Variants in TOP6BL observed in about 807,000 individuals in gnomAD.
The protein encoded by TOP6BL is type 2 DNA topoisomerase 6 subunit B-like.
the TOP6BL span, among the ~76,000 whole-genome samples, chr11:66,790,133 G>A: frequency 1.1e-3 from 160 of 152,208 alleles, no homozygotes; most frequent in African/African-American, 3.7e-3. Context: ...TTAGCCGGGT[G>A]TGGTGGCAGC....
At chr11:66,763,938 G>A in the TOP6BL span, among the ~76,000 whole-genome samples, 1 of 152,172 alleles carries the variant, frequency 6.6e-6, no homozygotes, top group African/African-American at 2.4e-5. Flanking sequence ...AACATTCTGT[G>A]AGCATTTGGT....
the TOP6BL span, among the ~76,000 whole-genome samples, chr11:66,818,215 T>G: frequency 6.6e-6 from 1 of 152,178 alleles, no homozygotes; most frequent in Non-Finnish European, 1.5e-5. Flanking sequence ...GTCAATTATT[T>G]ATTGAACAAA....
At chr11:66,792,037 T>G in the TOP6BL span, among the ~76,000 whole-genome samples, 1 of 152,130 alleles carries the variant, frequency 6.6e-6, no homozygotes, top group Non-Finnish European at 1.5e-5. Flanking sequence ...GTCTCGATCT[T>G]CTGACCTCAT....
At chr11:66,773,198 T>C in the TOP6BL span, among the ~76,000 whole-genome samples, 1 of 151,916 alleles carries the variant, frequency 6.6e-6, no homozygotes, top group African/African-American at 2.4e-5. Context: ...GATTCAGGAC[T>C]ATAGGCCTGC....
the TOP6BL span, among the ~76,000 whole-genome samples, chr11:66,770,870 T>A: frequency 2.4e-4 from 36 of 152,290 alleles, no homozygotes; most frequent in African/African-American, 8.4e-4. Flanking sequence ...TTCTACTTTT[T>A]CTTTCTTATC....
At chr11:66,816,187 A>G in the TOP6BL span, 1 of 1,609,466 alleles carries the variant, frequency 6.2e-7, no homozygotes, top group Non-Finnish European at 8.5e-7. Context: ...AGTCCAGCAA[A>G]TGGAAATCTG....
the TOP6BL span, among the ~76,000 whole-genome samples, chr11:66,755,000 G>A: frequency 6.6e-6 from 1 of 152,068 alleles, no homozygotes; most frequent in African/African-American, 2.4e-5. Flanking sequence ...CCATGCCTGA[G>A]TGTTTTGCAA....
At chr11:66,803,036 T>C in the TOP6BL span, among the ~76,000 whole-genome samples, 8,450 of 152,264 alleles carry the variant, frequency 0.055, 331 homozygotes, top group East Asian at 0.11. Context: ...TATTGGAAAG[T>C]AACAAAATTT....
the TOP6BL span, among the ~76,000 whole-genome samples, chr11:66,769,615 C>A: frequency 6.6e-6 from 1 of 151,936 alleles, no homozygotes; most frequent in Non-Finnish European, 1.5e-5. Flanking sequence ...AAGCCCCAAC[C>A]CCCAGTGTGA....
the TOP6BL span, chr11:66,843,162 C>T: frequency 6.2e-7 from 1 of 1,611,206 alleles, no homozygotes; most frequent in South Asian, 1.1e-5. Flanking sequence ...CCCCCTTGTT[C>T]CCGCAGGACG....
chr11:66,814,203 A>G, the TOP6BL span, among the ~76,000 whole-genome samples: 1 of 152,048 alleles, frequency 6.6e-6, no homozygotes, highest in African/African-American at 2.4e-5. Flanking sequence ...GGTGTCAAAC[A>G]GGCAAGCTCT....
At chr11:66,843,114 C>T in the TOP6BL span, 9 of 1,600,334 alleles carry the variant, frequency 5.6e-6, no homozygotes, top group African/African-American at 1.1e-4. Context: ...GCAGGAGGTG[C>T]AGGCCACGGG....
At chr11:66,795,208 A>G in the TOP6BL span, among the ~76,000 whole-genome samples, 2 of 152,162 alleles carry the variant, frequency 1.3e-5, no homozygotes, top group East Asian at 1.9e-4. Context: ...GAGGTAGTAT[A>G]TATATAGCAA....
At chr11:66,758,119 G>A in the TOP6BL span, 1 of 983,784 alleles carries the variant, frequency 1.0e-6, no homozygotes, top group Non-Finnish European at 1.2e-6. Flanking sequence ...GTTTCTCTGG[G>A]GAAGGGCATA....
the TOP6BL span, chr11:66,838,423 C>T: frequency 6.2e-7 from 1 of 1,613,906 alleles, no homozygotes; most frequent in Non-Finnish European, 8.5e-7. Context: ...CACCTGATAA[C>T]AGCAGCCTGG....
At chr11:66,769,444 T>C in the TOP6BL span, among the ~76,000 whole-genome samples, 1 of 145,364 alleles carries the variant, frequency 6.9e-6, no homozygotes, top group Non-Finnish European at 1.5e-5. Context: ...AGATCAATTA[T>C]ACCTAAAAAA....
At chr11:66,769,017 G>T in the TOP6BL span, among the ~76,000 whole-genome samples, 1 of 152,144 alleles carries the variant, frequency 6.6e-6, no homozygotes, top group Non-Finnish European at 1.5e-5. Context: ...TGAGTAATCA[G>T]CTGGGCACTT....
At chr11:66,790,837 G>A in the TOP6BL span, among the ~76,000 whole-genome samples, 1 of 152,136 alleles carries the variant, frequency 6.6e-6, no homozygotes, top group Non-Finnish European at 1.5e-5. Flanking sequence ...TATCTGCTTG[G>A]ATATGGATGT....
the TOP6BL span, among the ~76,000 whole-genome samples, chr11:66,745,842 G>A: frequency 6.6e-6 from 1 of 152,102 alleles, no homozygotes; most frequent in African/African-American, 2.4e-5. Context: ...ACGGAGTCTC[G>A]CTCTTTCGCC....
Sources: gnomAD v4.1 joint callset for allele counts (sites outside exome capture counted in the v4.1 genomes callset) on GRCh38, gnomAD v4.1.1 for gene constraint, MANE v1.5 for transcripts, NCBI Gene and HGNC (gene_info 2026-07-23, HGNC 2026-07-21) for gene names.